RRAS2: variants seen among roughly 807,000 people sequenced by gnomAD.
The protein encoded by RRAS2 is RAS related 2.
A neutral mutation model predicts 27.6 loss-of-function variants in RRAS2; 7 were observed. That is an observed-to-expected ratio of 0.25 (90% CI 0.14 to 0.48). RRAS2 has a LOEUF of 0.48. RRAS2 is among the 20% of genes least tolerant of loss of function. The probability of loss-of-function intolerance (pLI) is 0.99; values close to 1 mark genes in which losing one functional copy is unlikely to be tolerated. For missense variants in RRAS2, 178 were observed against 256.2 expected (o/e 0.69, Z 2.08); for synonymous variants, 86 against 90.9 (o/e 0.95, Z 0.31).
intron 4 of RRAS2, among the ~76,000 whole-genome samples, chr11:14,293,615 A>T (rs1452852668): frequency 6.6e-6 from 1 of 150,968 alleles, no homozygotes. Flanking sequence ...TTCCCTGCAC[A>T]CTCTCTCTTG....
rs1458366756 is a variant in RRAS2 at position 14,358,100 on chromosome 11, A to G, written c.108+663T>C. On this transcript the variant is annotated intron_variant, in intron 1 of 5. Coordinates refer to ENST00000256196, the MANE Select transcript of RRAS2 (RefSeq NM_012250.6). The surrounding 1 kb of genome is among the most constrained non-coding windows in gnomAD (Gnocchi z 5.1). ...GGCGAGAAGCAGGACGGCATCAGGAATTCCTAGGAAATGGTCTCACCCCAT... is the reference window on the plus strand; with the variant it reads ...GGCGAGAAGCAGGACGGCATCAGGAGTTCCTAGGAAATGGTCTCACCCCAT... The G allele has an allele frequency of 1.9e-6, 1 of 523,470 alleles. No individual in the cohort carries two copies. Among genetic ancestry groups the G allele is most frequent in the Non-Finnish European group, 2.5e-6 (1 of 407,666 alleles). 32.4% of individuals were successfully genotyped at this position (523,470 alleles called of 1,614,324 possible). A position where few individuals can be genotyped will look rare whatever the true frequency, so the allele number is the denominator to read the frequency against.
chr11:14,333,822 A>T (rs1848533866), intron 1 of RRAS2, among the ~76,000 whole-genome samples: 3 of 152,208 alleles, frequency 2.0e-5, no homozygotes, highest in African/African-American at 7.2e-5. Flanking sequence ...TTTTTTAGAG[A>T]CGGGTTTTCG....
chr11:14,306,810 T>TC (rs1554948131), intron 1 of RRAS2, among the ~76,000 whole-genome samples: 1 of 151,346 alleles, frequency 6.6e-6, no homozygotes, highest in Admixed American at 6.6e-5. Context: ...AGTTCACTTG[T>TC]CCCAGTATGT....
chr11:14,323,689 A>G (rs1290535453), intron 1 of RRAS2, among the ~76,000 whole-genome samples: 7 of 152,206 alleles, frequency 4.6e-5, no homozygotes, highest in African/African-American at 1.7e-4. Context: ...TTATGAGGCC[A>G]GTATAATCTG....
chr11:14,328,983 A>ATGTG (rs1203781009), intron 1 of RRAS2, among the ~76,000 whole-genome samples: 27 of 110,926 alleles, frequency 2.4e-4, no homozygotes, highest in African/African-American at 8.2e-4. Flanking sequence ...AATTTTATAT[A>ATGTG]TATGTGTGTG....
In RRAS2 at chr11:14,278,161, A is replaced by T. The variant is rs1171212898; in HGVS notation, c.*1176T>A. The T allele has an allele frequency of 2.6e-5, 4 of 152,358 alleles. No homozygotes were observed. Among genetic ancestry groups the T allele is most frequent in the Non-Finnish European group, 4.4e-5 (3 of 68,028 alleles). The allele number at this position is 152,358 out of a possible 1,614,324, so 9.4% of individuals were successfully genotyped here. On this transcript the variant is annotated 3_prime_UTR_variant, in exon 6 of 6. Coordinates refer to ENST00000256196, the MANE Select transcript of RRAS2 (RefSeq NM_012250.6). ...ATTAAAAGCTTACACTTAATACTTG[A>T]AATAACAATCAATATCTAGCAGGGA...
intron 1 of RRAS2, among the ~76,000 whole-genome samples, chr11:14,352,302 AT>A (rs1339573512): frequency 6.6e-6 from 1 of 152,214 alleles, no homozygotes; most frequent in Non-Finnish European, 1.5e-5. Flanking sequence ...TATGCAACAA[AT>A]AATCACATGG....
intron 1 of RRAS2, among the ~76,000 whole-genome samples, chr11:14,347,401 A>G (rs1564982196): frequency 6.6e-6 from 1 of 152,218 alleles, no homozygotes; most frequent in Admixed American, 6.5e-5. Flanking sequence ...TGTTGTAAAT[A>G]AGGACAAAAA....
chr11:14,342,110 C>T, intron 1 of RRAS2: 2 of 258,498 alleles, frequency 7.7e-6, no homozygotes, highest in Non-Finnish European at 1.3e-5. Flanking sequence ...AAACCTCACC[C>T]TTCCCTCTCC....
rs561171835 is a variant in RRAS2, at chr11:14,345,767, G to T, written c.108+12996C>A. Among the ~76,000 whole-genome samples, 4 of 152,230 alleles carry T rather than the reference G, an allele frequency of 2.6e-5. No individual in the cohort carries two copies. The South Asian group carries it at 8.3e-4, about 32-fold the overall frequency. ...GATTTAGAGGGTGTAGTAAAATTTT[G>T]TATTTGTTGAAATTCTGCTACTGAT... On this transcript the variant is annotated intron_variant, in intron 1 of 5. Transcript: ENST00000256196.
rs1554943803 is a variant in RRAS2 at position 14,278,569 on chromosome 11, T to C, written c.*768A>G. On this transcript the variant is annotated 3_prime_UTR_variant, in exon 6 of 6. Coordinates refer to ENST00000256196, the MANE Select transcript of RRAS2 (RefSeq NM_012250.6). ...AACAGTTTTAGTTTTTTGAATCCCT[T>C]ACCCAGAAATACTTGAAAAGGAAGA... is the stretch of plus-strand genomic sequence containing the variant. The C allele has an allele frequency of 6.6e-6, 1 of 152,236 alleles. No homozygotes were observed. The highest frequency in any genetic ancestry group is 1.5e-5 in the Non-Finnish European group (1 of 68,034). 9.4% of individuals were successfully genotyped at this position (152,236 alleles called of 1,614,324 possible). A position where few individuals can be genotyped will look rare whatever the true frequency, so the allele number is the denominator to read the frequency against.
At position 14,358,810 on chromosome 11, in the gene RRAS2, C is replaced by T; in HGVS notation, c.61G>A (p.Gly21Ser). The T allele has an allele frequency of 6.7e-7, 1 of 1,489,574 alleles. No individual in the cohort carries two copies. The highest frequency in any genetic ancestry group is 9.0e-7 in the Non-Finnish European group (1 of 1,113,528). The allele number at this position is 1,489,574 out of a possible 1,614,324, so 92.3% of individuals were successfully genotyped here. ...GQEKYRLVVV[G>S]GGGVGKSALT... Reference sequence around the variant, plus strand: ...GCCGACTTGCCCACGCCGCCCCCGCCGACCACCACGAGCCGGTACTTCTCC... The same window carrying T: ...GCCGACTTGCCCACGCCGCCCCCGCTGACCACCACGAGCCGGTACTTCTCC... The change falls in exon 1 of 6, where the codon GGC becomes AGC. Residue 21 changes from glycine to serine, a missense_variant. Coordinates refer to ENST00000256196, the MANE Select transcript of RRAS2 (RefSeq NM_012250.6). The surrounding 1 kb of genome is among the most constrained non-coding windows in gnomAD (Gnocchi z 5.1).
In RRAS2 at chr11:14,359,088, G is replaced by A. The variant is rs1169002903; in HGVS notation, c.-218C>T. On this transcript the variant is annotated 5_prime_UTR_variant, in exon 1 of 6. Transcript: ENST00000256196. ...GCGCGGAGAAGCGGGGTGACGGCACGGGCCAGGGGCGGCAGCGGCCGGGGG... is the reference window on the plus strand; with the variant it reads ...GCGCGGAGAAGCGGGGTGACGGCACAGGCCAGGGGCGGCAGCGGCCGGGGG... 4 of 1,082,462 alleles carry A rather than the reference G, an allele frequency of 3.7e-6. No homozygotes were observed. Among genetic ancestry groups the A allele is most frequent in the East Asian group, 1.2e-4 (2 of 17,004 alleles). The allele number at this position is 1,082,462 out of a possible 1,614,324, so 67.1% of individuals were successfully genotyped here.
At chr11:14,305,218 T>A (rs541824757) in intron 1 of RRAS2, among the ~76,000 whole-genome samples, 10 of 152,306 alleles carry the variant, frequency 6.6e-5, no homozygotes, top group African/African-American at 2.4e-4. Flanking sequence ...ATGGGCCTGG[T>A]ATGTGCCAGC....
intron 1 of RRAS2, among the ~76,000 whole-genome samples, chr11:14,299,520 CA>C (rs1847643075): frequency 6.6e-6 from 1 of 152,198 alleles, no homozygotes; most frequent in African/African-American, 2.4e-5. Flanking sequence ...ACATGCTATG[CA>C]AAGCCCTCCA....
exon 1 of RRAS2, chr11:14,364,445 A>T (rs1292733703): frequency 1.3e-6 from 2 of 1,509,268 alleles, no homozygotes; most frequent in Non-Finnish European, 1.8e-6. Flanking sequence ...CATTGCTTTT[A>T]ATGTGAATGA....
chr11:14,314,442 TAAG>T (rs1848047585), intron 1 of RRAS2, among the ~76,000 whole-genome samples: 1 of 152,072 alleles, frequency 6.6e-6, no homozygotes, highest in Admixed American at 6.6e-5. Context: ...TATGCAGAAA[TAAG>T]AAGTGCAGAA....
intron 1 of RRAS2, chr11:14,308,299 C>T (rs916059852): frequency 8.9e-6 from 4 of 451,858 alleles, no homozygotes; most frequent in Non-Finnish European, 1.8e-5. Context: ...AAAGAAGGAA[C>T]CCAAGAGTTT....
intron 1 of RRAS2, among the ~76,000 whole-genome samples, chr11:14,327,060 CAA>C (rs201334157): frequency 7.5e-5 from 3 of 39,782 alleles, no homozygotes; most frequent in African/African-American, 2.1e-4. Context: ...GACTCTGTCT[CAA>C]AAAAAAAAAA....
Sources: gnomAD v4.1 joint callset for allele counts (sites outside exome capture counted in the v4.1 genomes callset) on GRCh38, gnomAD v4.1.1 for gene constraint, Gnocchi (gnomAD v3.1) non-coding constraint, MANE v1.5 for transcripts, NCBI Gene and HGNC (gene_info 2026-07-23, HGNC 2026-07-21) for gene names.